ZNF711: variants seen among roughly 807,000 people sequenced by gnomAD.
The protein encoded by ZNF711 is ZFX family zinc finger ZNF711.
In ZNF711, 3 loss-of-function variants were observed where a neutral mutation model predicts 43.5. That is an observed-to-expected ratio of 0.07 (90% confidence interval 0.03 to 0.18). The LOEUF (loss-of-function observed/expected upper bound fraction) is 0.18. Among genes scored for constraint, ZNF711 ranks in the 10% least tolerant of loss-of-function variants. The pLI, the probability that ZNF711 is intolerant of heterozygous loss-of-function variation, is 1.00. For synonymous variants in ZNF711, 209 were observed against 207.7 expected (o/e 1.01, Z -0.06); for missense variants, 412 against 604.0 (o/e 0.68, Z 3.33).
chrX:85,257,395 C>T (rs1930257584), intron 5 of ZNF711, among the ~76,000 whole-genome samples: 1 of 111,336 alleles, frequency 9.0e-6, no homozygotes, highest in South Asian at 3.8e-4. Flanking sequence ...CATGTTTAGA[C>T]TTCTCTTATA....
intron 1 of ZNF711, among the ~76,000 whole-genome samples, chrX:85,245,320 G>T (rs1042639591): frequency 8.9e-6 from 1 of 112,101 alleles, no homozygotes; most frequent in African/African-American, 3.3e-5. Flanking sequence ...TACTTGGTGG[G>T]TTATCTCCAT....
chrX:85,256,810 T>C (rs764236903), intron 5 of ZNF711, among the ~76,000 whole-genome samples: 1 of 111,675 alleles, frequency 9.0e-6, no homozygotes, highest in African/African-American at 3.2e-5. Context: ...TTTAAGAAAA[T>C]AATGTAAGCC....
At chrX:85,264,899 C>T (rs922122866) in intron 6 of ZNF711, among the ~76,000 whole-genome samples, 1 of 111,116 alleles carries the variant, frequency 9.0e-6, no homozygotes, top group African/African-American at 3.3e-5. Flanking sequence ...GACTTATATA[C>T]TGCTTGGCAT....
At chrX:85,265,650 T>C (rs990742179) in intron 7 of ZNF711, among the ~76,000 whole-genome samples, 1 of 110,111 alleles carries the variant, frequency 9.1e-6, no homozygotes, top group East Asian at 2.9e-4. Flanking sequence ...TCCTGTCTTA[T>C]GGAAGGAAAA....
At chrX:85,248,342 G>T (rs1261562498) in intron 4 of ZNF711, among the ~76,000 whole-genome samples, 1 of 107,909 alleles carries the variant, frequency 9.3e-6, no homozygotes, top group Non-Finnish European at 1.9e-5. Flanking sequence ...GGTGGAGCAC[G>T]CCTGTAGTCC....
At chrX:85,268,383 C>CT (rs1427807325) in intron 9 of ZNF711, 42 bp downstream of exon 9, 10 of 1,152,060 alleles carry the variant, frequency 8.7e-6, no homozygotes, top group Middle Eastern at 2.4e-4. Context: ...AAAGTTCTGG[C>CT]TTTATTTTAT....
chrX:85,255,471 G>C lies in ZNF711; in HGVS notation c.292G>C (p.Val98Leu). The change falls in exon 5 of 11, where the codon GTT (valine) becomes CTT (leucine). Residue 98 changes from valine to leucine, a missense_variant. This residue lies in a region of ZNF711 where 375 missense variants were observed against 514.2 expected (regional missense o/e 0.73). Transcript: ENST00000674551. Reference sequence around the variant, plus strand: ...TCCTGAAGCGGTACTTGAAGCTGATGTTGCCATTGAAGAGGATTTAGAGGA... The same window carrying C: ...TCCTGAAGCGGTACTTGAAGCTGATCTTGCCATTGAAGAGGATTTAGAGGA... The part of the protein sequence containing the change: ...IVPEAVLEAD[V>L]AIEEDLEEDD... The C allele has an allele frequency of 8.3e-7, 1 of 1,211,742 alleles. No individual in the cohort carries two copies.
At chrX:85,245,482 T>G (rs2147781099) in intron 1 of ZNF711, among the ~76,000 whole-genome samples, 1 of 112,645 alleles carries the variant, frequency 8.9e-6, no homozygotes, top group East Asian at 2.8e-4. Context: ...CCGGTTTATT[T>G]ATTTGGTATT....
chrX:85,264,158 CATT>C (rs202125598), intron 5 of ZNF711, 114 bp from the exon 6 acceptor site: 16,979 of 566,010 alleles, frequency 0.03, 1,262 homozygotes, highest in African/African-American at 0.26. Context: ...AGGTGGTTAA[CATT>C]ATTTCACGTT....
intron 9 of ZNF711, 129 bp downstream of exon 9, chrX:85,268,470 C>A (rs1931294268): frequency 1.3e-5 from 10 of 743,471 alleles, no homozygotes; most frequent in African/African-American, 2.1e-5. Context: ...CATACCTAAT[C>A]TAGTTAGTTA....
rs1450632101 is a variant in ZNF711 at position 85,244,015 on chromosome X, C to G, written c.-582C>G. 6 of 120,259 alleles carry G rather than the reference C, an allele frequency of 5.0e-5. No homozygotes were observed. The highest frequency in any genetic ancestry group is 8.5e-5 in the Non-Finnish European group (5 of 58,859). The allele number at this position is 120,259 out of a possible 1,213,427, so 9.9% of individuals were successfully genotyped here. A position where few individuals can be genotyped will look rare whatever the true frequency, so the allele number is the denominator to read the frequency against. On this transcript the variant is annotated 5_prime_UTR_variant, in exon 1 of 11. Transcript: ENST00000674551. ...CAGACGCAGAGTAGATTGTGATTGG[C>G]TCGGGCTGCGGAACCTCGGAAACCC...
chrX:85,247,268 G>T, intron 3 of ZNF711, 80 bp downstream of exon 3: 1 of 316,650 alleles, frequency 3.2e-6, no homozygotes, highest in Middle Eastern at 8.7e-4. Flanking sequence ...TTTTAGCACT[G>T]CAGTTTTGTT....
chrX:85,249,824 T>C (rs1236626923), intron 4 of ZNF711, among the ~76,000 whole-genome samples: 1 of 111,521 alleles, frequency 9.0e-6, no homozygotes, highest in Non-Finnish European at 1.9e-5. Flanking sequence ...TTTCATATCC[T>C]AAAAAAAGAC....
chrX:85,247,101 G>A lies in ZNF711; in HGVS notation c.-114G>A. 6.8e-6 allele frequency: 2 copies of A among 294,706 alleles called. No homozygotes were observed. Among genetic ancestry groups the A allele is most frequent in the Admixed American group, 1.2e-4 (2 of 16,590 alleles). The allele number at this position is 294,706 out of a possible 1,213,427, so 24.3% of individuals were successfully genotyped here. ...AATACAAGTTTATCTGCAGAGCTCCGCTGCAGGGCTGATCTGGGTCTGGAA... is the reference window on the plus strand; with the variant it reads ...AATACAAGTTTATCTGCAGAGCTCCACTGCAGGGCTGATCTGGGTCTGGAA... On this transcript the variant is annotated 5_prime_UTR_variant, in exon 3 of 11. Transcript: ENST00000674551.
Position 85,270,814 on chromosome X carries a change from C to T in ZNF711, c.1410C>T (p.Asn470=), listed in dbSNP as rs185771502. 55 of 1,203,833 alleles carry T rather than the reference C, an allele frequency of 4.6e-5. No individual in the cohort carries two copies. Among genetic ancestry groups the T allele is most frequent in the Non-Finnish European group, 5.6e-6 (5 of 891,790 alleles). The change falls in exon 11 of 11, where the codon AAC becomes AAT. Residue 470 remains asparagine, a synonymous_variant. Transcript: ENST00000674551. Reference sequence around the variant, plus strand: ...GTACAGATTGTGACTTTACAACTAACAAGAAAGTGAGTTTCCATAACCACT... The same window carrying T: ...GTACAGATTGTGACTTTACAACTAATAAGAAAGTGAGTTTCCATAACCACT... ...YQCTDCDFTT[N]KKVSFHNHLE... is the part of the protein sequence containing the mutation.
intron 4 of ZNF711, among the ~76,000 whole-genome samples, chrX:85,249,514 A>T (rs1177226959): frequency 9.0e-6 from 1 of 111,023 alleles, no homozygotes; most frequent in African/African-American, 3.3e-5. Context: ...AAAAAATCTG[A>T]TTGGTGCTGG....
chrX:85,266,141 C>T (rs1282256426), intron 7 of ZNF711, among the ~76,000 whole-genome samples: 2 of 110,914 alleles, frequency 1.8e-5, no homozygotes, highest in African/African-American at 6.6e-5. Flanking sequence ...TAAGAGCCTC[C>T]ATTTCACTGC....
In ZNF711 at chrX:85,270,764, C is replaced by A. The variant is rs1170676581; in HGVS notation, c.1360C>A (p.His454Asn). ...LKRHMKNHPD[H>N]LMRKKYQCTD... ...AAGACACATGAAGAATCATCCTGAT[C>A]ATTTAATGAGAAAAAAATATCAGTG... Residue 454 changes from histidine to asparagine, a missense_variant, in exon 11 of 11, where the codon CAT becomes AAT. Physicochemically the swap from His to Asn is moderately conservative, Grantham distance 68. Around this residue, in one of 4 missense-constraint regions of ZNF711, gnomAD observed 375 missense variants for 514.2 expected, o/e 0.73. Transcript: ENST00000674551. 2 of 1,203,053 alleles carry A rather than the reference C, an allele frequency of 1.7e-6. No individual in the cohort carries two copies. The highest frequency in any genetic ancestry group is 2.2e-5 in the Admixed American group (1 of 45,340).
In ZNF711 at chrX:85,265,200, G is replaced by A; in HGVS notation, c.861G>A (p.Arg287=). 8.3e-7 allele frequency: 1 copy of A among 1,208,542 alleles called. No individual in the cohort carries two copies. The highest frequency in any genetic ancestry group is 1.1e-6 in the Non-Finnish European group (1 of 893,580). ...AGVLDQSRMQ[R]EKMVYMAVKD... is the part of the protein sequence containing the mutation. Reference sequence around the variant, plus strand: ...TGCTTGACCAGAGCCGAATGCAGCGGGAGAAGATGGTTTACATGGCAGTTA... The same window carrying A: ...TGCTTGACCAGAGCCGAATGCAGCGAGAGAAGATGGTTTACATGGCAGTTA... Residue 287 remains arginine (R), a synonymous_variant, in exon 7 of 11, where the codon CGG becomes CGA. Coordinates refer to ENST00000674551, the MANE Select transcript of ZNF711 (RefSeq NM_001330574.2).
Sources: gnomAD v4.1 joint callset for allele counts (sites outside exome capture counted in the v4.1 genomes callset) on GRCh38, gnomAD v4.1.1 for gene constraint, gnomAD v4.1.1 regional missense constraint, MANE v1.5 for transcripts, NCBI Gene and HGNC (gene_info 2026-07-23, HGNC 2026-07-21) for gene names.